Variants in CELSR1 observed in about 807,000 individuals in gnomAD.
CELSR1 encodes the protein adhesion G protein-coupled receptor C1.
In CELSR1, 110 loss-of-function variants were observed where a neutral mutation model predicts 249.1. The observed-to-expected ratio is 0.44, with a 90% CI of 0.38 to 0.52. The LOEUF is 0.52. CELSR1 is among the 20% of genes least tolerant of loss of function. The pLI is 0.00. For missense variants in CELSR1, 4,109 were observed against 4,296.4 expected (o/e 0.96, Z 1.22); for synonymous variants, 2,113 against 1,900.0 (o/e 1.11, Z -2.92).
intron 24 of CELSR1, among the ~76,000 whole-genome samples, chr22:46,373,740 A>AGGAGCAATG (rs1222368790): frequency 5.0e-5 from 7 of 138,684 alleles, no homozygotes; most frequent in African/African-American, 2.3e-4. Flanking sequence ...TGGGAGCAAT[A>AGGAGCAATG]GGAGCAATGG....
chr22:46,392,512 G>T (rs2079104650), intron 14 of CELSR1, among the ~76,000 whole-genome samples: 1 of 152,222 alleles, frequency 6.6e-6, no homozygotes, highest in Non-Finnish European at 1.5e-5. Flanking sequence ...GAGGCGCATG[G>T]GGTGACTGCG....
In CELSR1 at chr22:46,518,404, G is replaced by A. The variant is rs113053252; in HGVS notation, c.3544+15223C>T. On this transcript the variant is annotated intron_variant, in intron 1 of 34. Transcript: ENST00000674500. The surrounding 1 kb of genome is among the most constrained non-coding windows in gnomAD (Gnocchi z 5.2). ...GCTCCCACAGACCACATTGCACTGC[G>A]ACAAGGCAAACCGATGGTGTGCTCG... 4.1e-3 allele frequency among the ~76,000 whole-genome samples: 624 copies of A among 152,348 alleles called. 6 individuals are homozygous for A. The highest frequency in any genetic ancestry group is 0.012 in the African/African-American group (484 of 41,586).
rs1475795497 is a variant in CELSR1 at position 46,427,672 on chromosome 22, AC to A, written c.4611+5720del. Among the ~76,000 whole-genome samples the A allele has an allele frequency of 6.6e-6, 1 of 152,158 alleles. No homozygotes were observed. Among genetic ancestry groups the A allele is most frequent in the African/African-American group, 2.4e-5 (1 of 41,422 alleles). ...GTTGTTGACGTTCCGCTGTCGGAGG[AC>A]CTTATATTCTATTAAATACCTTCCA... On this transcript the variant is annotated intron_variant, in intron 5 of 34. Transcript: ENST00000674500. This position sits in a 1 kb window ranked among gnomAD's most constrained non-coding sequence, Gnocchi z 4.2.
At chr22:46,369,022 G>T in intron 27 of CELSR1, 157 bp downstream of exon 27, 1 of 658,840 alleles carries the variant, frequency 1.5e-6, no homozygotes, top group Non-Finnish European at 2.6e-6. Flanking sequence ...GTGCAACGTG[G>T]CAAACCTCTC....
chr22:46,382,302 G>A (rs2078986987), intron 20 of CELSR1, among the ~76,000 whole-genome samples: 1 of 152,118 alleles, frequency 6.6e-6, no homozygotes, highest in South Asian at 2.1e-4. Flanking sequence ...TTTTGAGACA[G>A]AGTCTTGCTC....
chr22:46,505,037 C>T (rs953130964), intron 1 of CELSR1, among the ~76,000 whole-genome samples: 3 of 151,578 alleles, frequency 2.0e-5, no homozygotes, highest in Non-Finnish European at 2.9e-5. Context: ...CCGAGGCGGG[C>T]GGATCATGAG....
In CELSR1 at chr22:46,463,237, C is replaced by G. The variant is rs938927273; in HGVS notation, c.4183+470G>C. Among the ~76,000 whole-genome samples the G allele has an allele frequency of 1.3e-5, 2 of 152,208 alleles. 1 individual carries two copies. The highest frequency in any genetic ancestry group is 2.9e-5 in the Non-Finnish European group (2 of 68,040). On this transcript the variant is annotated intron_variant, in intron 2 of 34. Transcript: ENST00000674500. ...TGGCTAAGAAAGTGCCATTGCTGGCCGGACACGGTGGCTCACGCCTGTAAT... is the reference window on the plus strand; with the variant it reads ...TGGCTAAGAAAGTGCCATTGCTGGCGGGACACGGTGGCTCACGCCTGTAAT...
chr22:46,455,853 C>T (rs1051029779), intron 2 of CELSR1, among the ~76,000 whole-genome samples: 8 of 152,286 alleles, frequency 5.3e-5, no homozygotes, highest in South Asian at 2.1e-4. Flanking sequence ...CCTGATCCCC[C>T]GGCAAGATTT....
Position 46,389,685 on chromosome 22 carries a change from G to C in CELSR1, c.6346-186C>G, listed in dbSNP as rs183701545. On this transcript the variant is annotated intron_variant, in intron 17 of 34. Transcript: ENST00000674500. ...AATCCCAGCACTTTGGGAGGCCAAG[G>C]CGGGTAGATCATTTGAGGTCAGGAA... is the stretch of plus-strand genomic sequence containing the variant. Among the ~76,000 whole-genome samples the C allele has an allele frequency of 8.7e-3, 1,328 of 152,356 alleles. 16 individuals are homozygous for C. The highest frequency in any genetic ancestry group is 0.031 in the African/African-American group (1,272 of 41,576).
chr22:46,499,466 T>C (rs2080445629), intron 1 of CELSR1, among the ~76,000 whole-genome samples: 1 of 152,236 alleles, frequency 6.6e-6, no homozygotes, highest in African/African-American at 2.4e-5. Context: ...CAGGCTTAGA[T>C]GCCAGTGGCG....
rs756932458 is a variant in CELSR1 at position 46,535,830 on chromosome 22, G to A, written c.1341C>T (p.Ile447=). The stretch of plus-strand genomic sequence containing the variant: ...AGTTGTCGTTCTCGTCCTCCACCTC[G>A]ATGTACACGGTGGCCGTGGCACTGA... ...GPLSATATVY[I]EVEDENDNYP... The change falls in exon 1 of 35, where the codon ATC becomes ATT. Residue 447 remains isoleucine, a synonymous_variant. Transcript: ENST00000674500. The A allele has an allele frequency of 6.2e-7, 1 of 1,611,988 alleles. No individual in the cohort carries two copies. The highest frequency in any genetic ancestry group is 1.1e-5 in the South Asian group (1 of 91,080).
At chr22:46,364,449 G>T in intron 33 of CELSR1, 63 bp downstream of exon 33, 1 of 1,551,772 alleles carries the variant, frequency 6.4e-7, no homozygotes, top group Non-Finnish European at 8.7e-7. Flanking sequence ...CCCACCTCCA[G>T]ACCAGGGACT....
chr22:46,375,726 T>C (rs1309973454), intron 24 of CELSR1, among the ~76,000 whole-genome samples: 2 of 152,042 alleles, frequency 1.3e-5, no homozygotes, highest in East Asian at 3.9e-4. Context: ...GTATTTTTAG[T>C]AAAGACAGGG....
At chr22:46,496,011 T>C (rs1021869057) in intron 1 of CELSR1, among the ~76,000 whole-genome samples, 5 of 151,090 alleles carry the variant, frequency 3.3e-5, no homozygotes, top group Non-Finnish European at 5.9e-5. Context: ...CTGGCCAACA[T>C]GGTGAAACCC....
intron 1 of CELSR1, among the ~76,000 whole-genome samples, chr22:46,533,248 G>A (rs546991230): frequency 1.3e-5 from 2 of 152,320 alleles, no homozygotes; most frequent in African/African-American, 4.8e-5. Context: ...TCTTCCCAGA[G>A]AGCCCTGTGG....
rs143567807 is a variant in CELSR1 at position 46,503,355 on chromosome 22, G to A, written c.3544+30272C>T. Among the ~76,000 whole-genome samples the A allele has an allele frequency of 2.8e-4, 43 of 152,320 alleles. No homozygotes were observed. The South Asian group carries it at 4.6e-3, about 16-fold the overall frequency. On this transcript the variant is annotated intron_variant, in intron 1 of 34. Transcript: ENST00000674500. ...TGAGAGGGTGCTGAGCACGCAGGAC[G>A]GGAGCCACACCTGTACTTCCTTCTG...
At chr22:46,379,338 G>A (rs2078952677) in intron 22 of CELSR1, among the ~76,000 whole-genome samples, 1 of 152,138 alleles carries the variant, frequency 6.6e-6, no homozygotes, top group South Asian at 2.1e-4. Flanking sequence ...TGCCCTCGCA[G>A]ACTCTGGGAA....
rs774464967 is a variant in CELSR1 at position 46,397,660 on chromosome 22, G to A, written c.5701+14C>T. 2.7e-6 allele frequency: 4 copies of A among 1,466,406 alleles called. No homozygotes were observed. Among genetic ancestry groups the A allele is most frequent in the African/African-American group, 1.4e-5 (1 of 70,316 alleles). 90.8% of individuals were successfully genotyped at this position (1,466,406 alleles called of 1,614,324 possible). ...CCTCCCTGTCACTGAAGGGCCCCGGGAGGGCGGTCCCACCTTTGTCACAGA... is the reference window on the plus strand; with the variant it reads ...CCTCCCTGTCACTGAAGGGCCCCGGAAGGGCGGTCCCACCTTTGTCACAGA... On this transcript the variant is annotated intron_variant, in intron 12 of 34. Coordinates refer to ENST00000674500, the MANE Select transcript of CELSR1 (RefSeq NM_001378328.1).
At chr22:46,420,079 CAT>C (rs1379428297) in intron 5 of CELSR1, among the ~76,000 whole-genome samples, 3 of 151,096 alleles carry the variant, frequency 2.0e-5, no homozygotes, top group Non-Finnish European at 2.9e-5. Flanking sequence ...CTCATACTCA[CAT>C]GTGCACACCT....
Sources: gnomAD v4.1 joint callset for allele counts (sites outside exome capture counted in the v4.1 genomes callset) on GRCh38, gnomAD v4.1.1 for gene constraint, Gnocchi (gnomAD v3.1) non-coding constraint, MANE v1.5 for transcripts, NCBI Gene and HGNC (gene_info 2026-07-23, HGNC 2026-07-21) for gene names.